TRIM71: variants seen among roughly 807,000 people sequenced by gnomAD.
TRIM71 encodes tripartite motif containing 71, also known as E3 ubiquitin-protein ligase TRIM71.
In TRIM71, 9 loss-of-function variants were observed where a neutral mutation model predicts 61.2. The ratio of observed to expected loss-of-function variants is 0.15; its 90% CI spans 0.09 to 0.26. The LOEUF (loss-of-function observed/expected upper bound fraction) is 0.26, where lower values mean the gene tolerates loss of function less well. Among genes scored for constraint, TRIM71 ranks in the 10% least tolerant of loss-of-function variants. The pLI is 1.00. For synonymous variants in TRIM71, 645 were observed against 553.2 expected (o/e 1.17, Z -2.33); for missense variants, 998 against 1,238.7 (o/e 0.81, Z 2.92).
rs1457772296 is a variant in TRIM71, at chr3:32,880,774, GTTA to G, written c.1021-5156_1021-5154del. The stretch of plus-strand genomic sequence containing the variant: ...AATATATGACATTTTGGTCATGTAT[GTTA>G]TTAGAGGATTCCACAAGGTAAACTG... On this transcript the variant is annotated intron_variant, in intron 2 of 3. Transcript: ENST00000383763. Among the ~76,000 whole-genome samples the G allele has an allele frequency of 1.6e-4, 24 of 152,276 alleles. No individual in the cohort carries two copies. In the East Asian group the frequency reaches 4.6e-3, roughly 29 times the overall value.
At chr3:32,823,241 G>A (rs1289584761) in intron 1 of TRIM71, among the ~76,000 whole-genome samples, 1 of 152,238 alleles carries the variant, frequency 6.6e-6, no homozygotes. Flanking sequence ...CTTAGCCTTT[G>A]TGGGCTTAAG....
intron 1 of TRIM71, among the ~76,000 whole-genome samples, chr3:32,867,922 G>T (rs756900832): frequency 2.0e-4 from 30 of 152,092 alleles, no homozygotes; most frequent in Admixed American, 1.6e-3. Context: ...TGTGTGTGGT[G>T]TGTGTGTTTT....
At chr3:32,852,218 G>GGCCTAAACTGGA (rs1696546848) in intron 1 of TRIM71, among the ~76,000 whole-genome samples, 1 of 152,124 alleles carries the variant, frequency 6.6e-6, no homozygotes, top group African/African-American at 2.4e-5. Context: ...ACAGTGTCAC[G>GGCCTAAACTGGA]GCCTAAACTG....
chr3:32,836,378 C>G (rs763282026), intron 1 of TRIM71, among the ~76,000 whole-genome samples: 2 of 152,110 alleles, frequency 1.3e-5, no homozygotes, highest in Non-Finnish European at 2.9e-5. Flanking sequence ...ATTCCCTGCT[C>G]CTGTTCCTGG....
Position 32,834,561 on chromosome 3 carries a change from G to T in TRIM71, c.852+15629G>T, listed in dbSNP as rs148774548. On this transcript the variant is annotated intron_variant, in intron 1 of 3. Coordinates refer to ENST00000383763, the MANE Select transcript of TRIM71 (RefSeq NM_001039111.3). ...TTCTAGTATAGCCAGTTTTAAAGTT[G>T]GAAAACGAACATTTCATTTTCTTAT... Among the ~76,000 whole-genome samples the T allele has an allele frequency of 3.8e-3, 580 of 152,194 alleles. 3 individuals carry two copies. Among genetic ancestry groups the T allele is most frequent in the African/African-American group, 0.013 (528 of 41,496 alleles).
At chr3:32,849,354 T>TCTAATCC (rs1696512897) in intron 1 of TRIM71, among the ~76,000 whole-genome samples, 1 of 151,934 alleles carries the variant, frequency 6.6e-6, no homozygotes, top group African/African-American at 2.4e-5. Flanking sequence ...GGCCTGGAGT[T>TCTAATCC]TTTTTGGTTT....
At chr3:32,871,472 G>A (rs1323208819) in intron 1 of TRIM71, among the ~76,000 whole-genome samples, 1 of 152,160 alleles carries the variant, frequency 6.6e-6, no homozygotes, top group Admixed American at 6.5e-5. Context: ...CTTTCTGATG[G>A]AAGGGTTTTC....
intron 1 of TRIM71, among the ~76,000 whole-genome samples, chr3:32,857,592 C>T (rs1696619415): frequency 6.6e-6 from 1 of 152,214 alleles, no homozygotes; most frequent in South Asian, 2.1e-4. Flanking sequence ...TCAATTAATA[C>T]ATGTATTATG....
intron 1 of TRIM71, among the ~76,000 whole-genome samples, chr3:32,844,267 T>C (rs546053382): frequency 6.6e-6 from 1 of 152,330 alleles, no homozygotes; most frequent in East Asian, 1.9e-4. Context: ...CTAATGCTGG[T>C]GGCCCCTTTG....
intron 2 of TRIM71, among the ~76,000 whole-genome samples, chr3:32,884,534 C>CT (rs1414915578): frequency 8.0e-5 from 4 of 49,774 alleles, no homozygotes; most frequent in Non-Finnish European, 1.6e-4. Flanking sequence ...TCCCCCATCT[C>CT]TATTTGAAAA....
intron 1 of TRIM71, among the ~76,000 whole-genome samples, chr3:32,849,847 C>G (rs1433116358): frequency 1.3e-5 from 2 of 152,174 alleles, no homozygotes; most frequent in Admixed American, 6.5e-5. Context: ...AAGAACTGCA[C>G]GCTCAAAATT....
intron 2 of TRIM71, among the ~76,000 whole-genome samples, chr3:32,883,617 A>G (rs1196113995): frequency 6.6e-6 from 1 of 152,212 alleles, no homozygotes; most frequent in Non-Finnish European, 1.5e-5. Flanking sequence ...AATTATATCT[A>G]CAAAGACCCT....
At chr3:32,858,074 T>C (rs1696626676) in intron 1 of TRIM71, among the ~76,000 whole-genome samples, 1 of 152,120 alleles carries the variant, frequency 6.6e-6, no homozygotes, top group African/African-American at 2.4e-5. Flanking sequence ...TTGAGTAGGC[T>C]GAGGAGGAAG....
At chr3:32,844,390 A>G (rs1262087543) in intron 1 of TRIM71, among the ~76,000 whole-genome samples, 2 of 152,112 alleles carry the variant, frequency 1.3e-5, no homozygotes, top group Non-Finnish European at 2.9e-5. Context: ...TGTCAGTCAT[A>G]ACTTCACTTT....
rs757677649 is a variant in TRIM71 at position 32,891,746 on chromosome 3, G to A, written c.2542G>A (p.Ala848Thr). 21 of 1,613,958 alleles carry A rather than the reference G, an allele frequency of 1.3e-5. No homozygotes were observed. Among genetic ancestry groups the A allele is most frequent in the South Asian group, 7.7e-5 (7 of 91,090 alleles). The change falls in exon 4 of 4, where the codon GCC becomes ACC. Residue 848 changes from alanine to threonine, a missense_variant. By Grantham distance (58) the Ala-to-Thr change is moderately conservative (BLOSUM62 0). Coordinates refer to ENST00000383763, the MANE Select transcript of TRIM71 (RefSeq NM_001039111.3). This position sits in a 1 kb window ranked among gnomAD's most constrained non-coding sequence, Gnocchi z 8.2. The part of the protein sequence containing the change: ...FGQMDRPSGI[A>T]ITPDGMIVVV... The stretch of plus-strand genomic sequence containing the variant: ...GCAGATGGACCGCCCTTCCGGCATC[G>A]CCATCACCCCCGACGGAATGATCGT...
intron 3 of TRIM71, among the ~76,000 whole-genome samples, chr3:32,889,981 CT>C (rs1475469486): frequency 2.6e-5 from 4 of 152,034 alleles, no homozygotes; most frequent in Admixed American, 6.6e-5. Flanking sequence ...GCCTTTACCC[CT>C]AATCACATTA....
intron 1 of TRIM71, among the ~76,000 whole-genome samples, chr3:32,857,184 T>TC (rs1345769002): frequency 6.6e-6 from 1 of 152,216 alleles, no homozygotes; most frequent in Non-Finnish European, 1.5e-5. Context: ...CTGTTTTACT[T>TC]CGAATTCTTC....
At chr3:32,870,937 T>C (rs1696788785) in intron 1 of TRIM71, among the ~76,000 whole-genome samples, 1 of 151,598 alleles carries the variant, frequency 6.6e-6, no homozygotes, top group African/African-American at 2.4e-5. Context: ...CTCAGGCTCC[T>C]GAGTACAAGC....
chr3:32,846,242 A>AT (rs1325106122), intron 1 of TRIM71, among the ~76,000 whole-genome samples: 5 of 150,704 alleles, frequency 3.3e-5, no homozygotes, highest in Non-Finnish European at 5.9e-5. Flanking sequence ...TGCCTGGCTA[A>AT]TTTTTTGTAT....
Sources: allele counts gnomAD v4.1 joint callset (sites outside exome capture counted in the v4.1 genomes callset), GRCh38; gene constraint gnomAD v4.1.1; non-coding constraint Gnocchi (gnomAD v3.1); transcripts MANE v1.5; gene names NCBI Gene and HGNC (gene_info 2026-07-23, HGNC 2026-07-21).